Variants in PRMT2 observed in about 807,000 individuals in gnomAD.
The protein encoded by PRMT2 is protein arginine N-methyltransferase 2.
Under a neutral mutation model 57.6 loss-of-function variants are expected in PRMT2, and 26 were observed. The observed-to-expected ratio is 0.45, with a 90% CI of 0.33 to 0.63. The LOEUF is 0.63. PRMT2 is among the 20% of genes least tolerant of loss of function. The pLI is 0.02. For synonymous variants in PRMT2, 219 were observed against 220.0 expected (o/e 1.00, Z 0.04); for missense variants, 472 against 564.4 (o/e 0.84, Z 1.66).
rs2061398392 is a variant in PRMT2, at chr21:46,648,496, A to G, written c.366A>G (p.Thr122=). The change falls in exon 6 of 12, where the codon ACA becomes ACG. Residue 122 remains threonine (T), a synonymous_variant. Transcript: ENST00000355680. The surrounding 1 kb of genome is among the most constrained non-coding windows in gnomAD (Gnocchi z 4.8). ...AGATGTTGGCAGACCAGCCACGAAC[A>G]ACTAAATACCACAGTGTCATCCTGC... ...HLEMLADQPR[T]TKYHSVILQN... 1.9e-6 allele frequency: 3 copies of G among 1,614,104 alleles called. No homozygotes were observed. Among genetic ancestry groups the G allele is most frequent in the African/African-American group, 1.3e-5 (1 of 74,934 alleles).
chr21:46,647,034 G>T (rs780961369), intron 5 of PRMT2, among the ~76,000 whole-genome samples: 1 of 152,150 alleles, frequency 6.6e-6, no homozygotes, highest in Non-Finnish European at 1.5e-5. Context: ...TCACACTGAC[G>T]ATTAAGTTTC....
chr21:46,663,022 G>A (rs1317620980), intron 10 of PRMT2, among the ~76,000 whole-genome samples: 1 of 152,158 alleles, frequency 6.6e-6, no homozygotes, highest in Non-Finnish European at 1.5e-5. Context: ...TAGTGCAGCT[G>A]TGTGTCCCCT....
chr21:46,644,468 T>A lies in PRMT2; in HGVS notation c.307T>A (p.Phe103Ile), dbSNP rs1433488950. 6.3e-7 allele frequency: 1 copy of A among 1,587,356 alleles called. No individual in the cohort carries two copies. The highest frequency in any genetic ancestry group is 8.6e-7 in the Non-Finnish European group (1 of 1,168,580). ...PEDTWQDEEY[F>I]GSYGTLKLHL... ...GGACACGTGGCAGGATGAAGAGTAC[T>A]TCGGCAGCTATGGAACTCTGGTATT... The change falls in exon 5 of 12, where the codon TTC (phenylalanine) becomes ATC (isoleucine). Residue 103 changes from phenylalanine to isoleucine, a missense_variant. By Grantham distance (21) the Phe-to-Ile change is conservative (BLOSUM62 0). This residue lies in a region of PRMT2 where 243 missense variants were observed against 347.2 expected (regional missense o/e 0.70). Coordinates refer to ENST00000355680, the MANE Select transcript of PRMT2 (RefSeq NM_206962.4).
intron 2 of PRMT2, 39 bp from the exon 3 acceptor site, chr21:46,636,857 T>A: frequency 1.6e-6 from 2 of 1,261,416 alleles, no homozygotes; most frequent in Non-Finnish European, 2.2e-6. Flanking sequence ...TTAAGCAATG[T>A]AACAAGTACT....
intron 3 of PRMT2, among the ~76,000 whole-genome samples, chr21:46,638,451 T>C (rs531702613): frequency 2.0e-5 from 3 of 152,378 alleles, no homozygotes; most frequent in South Asian, 4.1e-4. Context: ...CAAACAATGC[T>C]GTAGTGACCA....
chr21:46,662,262 G>A (rs2061641065), intron 10 of PRMT2, among the ~76,000 whole-genome samples: 1 of 152,212 alleles, frequency 6.6e-6, no homozygotes, highest in African/African-American at 2.4e-5. Flanking sequence ...GACCCAAAGC[G>A]CCTCCACGGG....
intron 3 of PRMT2, chr21:46,643,310 TGTTCTCTTTTAGG>T: frequency 1.2e-6 from 1 of 805,202 alleles, no homozygotes; most frequent in African/African-American, 1.8e-5. Flanking sequence ...CTTGCTTTGA[TGTTCTCTTTTAGG>T]GTCCAGATAA....
At chr21:46,662,988 G>A (rs554180666) in intron 10 of PRMT2, among the ~76,000 whole-genome samples, 369 of 152,228 alleles carry the variant, frequency 2.4e-3, no homozygotes, top group Middle Eastern at 6.8e-3. Flanking sequence ...GGCGGGCCGG[G>A]GAGTCGACAC....
At chr21:46,650,602 CT>C (rs1315149589) in intron 7 of PRMT2, among the ~76,000 whole-genome samples, 2 of 152,224 alleles carry the variant, frequency 1.3e-5, no homozygotes, top group African/African-American at 4.8e-5. Flanking sequence ...CTCCTACCCC[CT>C]GAAGGGGCAT....
chr21:46,653,975 C>G (rs1377739109), intron 7 of PRMT2: 2 of 984,484 alleles, frequency 2.0e-6, no homozygotes, highest in South Asian at 4.2e-5. Context: ...TCCGAACTTT[C>G]ACGTCATAAA....
intron 8 of PRMT2, chr21:46,660,174 TACA>T (rs1363175625): frequency 2.2e-5 from 22 of 979,018 alleles, no homozygotes; most frequent in Non-Finnish European, 2.7e-5. Context: ...GCTTATTTTT[TACA>T]ACATTTCTGT....
chr21:46,659,782 G>A (rs2061592758), intron 8 of PRMT2: 1 of 985,314 alleles, frequency 1.0e-6, no homozygotes, highest in Non-Finnish European at 1.2e-6. Context: ...TGGCCGTCCA[G>A]AGGAACGTGA....
chr21:46,652,355 A>C, intron 7 of PRMT2: 3 of 1,117,884 alleles, frequency 2.7e-6, no homozygotes, highest in Non-Finnish European at 3.3e-6. Context: ...AAAACTATTA[A>C]ATGGTAAATG....
intron 9 of PRMT2, chr21:46,661,240 T>A (rs1437412923): frequency 3.6e-6 from 1 of 277,690 alleles, no homozygotes; most frequent in Non-Finnish European, 6.6e-6. Flanking sequence ...TCTCAGCATC[T>A]TCAAAATCAA....
chr21:46,650,680 G>A (rs1260489396), intron 7 of PRMT2, among the ~76,000 whole-genome samples: 9 of 152,170 alleles, frequency 5.9e-5, no homozygotes, highest in African/African-American at 1.7e-4. Context: ...CCCCGGCCAC[G>A]GGGACAAAAA....
chr21:46,650,766 A>G (rs1421340560), intron 7 of PRMT2, among the ~76,000 whole-genome samples: 2 of 152,102 alleles, frequency 1.3e-5, no homozygotes, highest in Non-Finnish European at 2.9e-5. Flanking sequence ...TGGCTGCTGG[A>G]GTGTCCGGCT....
chr21:46,650,985 G>A (rs2061440860), intron 7 of PRMT2, among the ~76,000 whole-genome samples: 1 of 152,224 alleles, frequency 6.6e-6, no homozygotes, highest in South Asian at 2.1e-4. Flanking sequence ...CGAAGGGAGT[G>A]CCACTGGTGT....
In PRMT2 at chr21:46,648,801, C is replaced by T. The variant is rs901157000; in HGVS notation, c.489+182C>T. Among the ~76,000 whole-genome samples the T allele has an allele frequency of 2.0e-5, 3 of 152,168 alleles. No homozygotes were observed. The highest frequency in any genetic ancestry group is 1.9e-4 in the East Asian group (1 of 5,194). ...GTAAAATAGCAGTGCGTGGAGACCGCGTGCTAGAGGCCGTGGCGCCCGCGT... is the reference window on the plus strand; with the variant it reads ...GTAAAATAGCAGTGCGTGGAGACCGTGTGCTAGAGGCCGTGGCGCCCGCGT... On this transcript the variant is annotated intron_variant, in intron 6 of 11. Coordinates refer to ENST00000355680, the MANE Select transcript of PRMT2 (RefSeq NM_206962.4). The surrounding 1 kb of genome is among the most constrained non-coding windows in gnomAD (Gnocchi z 4.8).
At chr21:46,656,974 C>G (rs1601948438) in intron 7 of PRMT2, 2 of 152,090 alleles carry the variant, frequency 1.3e-5, no homozygotes, top group African/African-American at 4.8e-5. Flanking sequence ...AGGAAGAAAA[C>G]AAGCCAATTG....
Sources: allele counts gnomAD v4.1 joint callset (sites outside exome capture counted in the v4.1 genomes callset), GRCh38; gene constraint gnomAD v4.1.1; regional missense constraint gnomAD v4.1.1; non-coding constraint Gnocchi (gnomAD v3.1); transcripts MANE v1.5; gene names NCBI Gene and HGNC (gene_info 2026-07-23, HGNC 2026-07-21).